The following CENPP variants were observed in gnomAD, a reference collection of about 807,000 sequenced individuals.
CENPP encodes centromere protein P.
CENPP carries 24 observed loss-of-function variants against 35.6 expected under a neutral mutation model. The observed-to-expected ratio is 0.67, with a 90% CI of 0.49 to 0.95. The LOEUF (loss-of-function observed/expected upper bound fraction) is 0.95. CENPP is among the 40% of genes least tolerant of loss of function. The pLI is 0.00. For missense variants in CENPP, 332 were observed against 345.3 expected, an observed-to-expected ratio of 0.96 and a Z score of 0.31; for synonymous variants, 120 against 125.5, an observed-to-expected ratio of 0.96 and a Z score of 0.29.
intron 5 of CENPP, among the ~76,000 whole-genome samples, chr9:92,461,923 C>T (rs572515878): frequency 8.7e-4 from 133 of 152,032 alleles, no homozygotes; most frequent in African/African-American, 2.8e-3. Flanking sequence ...ATTATAAACA[C>T]GGATTTTTAC....
chr9:92,603,871 G>A (rs1280454234), intron 5 of CENPP, among the ~76,000 whole-genome samples: 1 of 152,136 alleles, frequency 6.6e-6, no homozygotes, highest in Non-Finnish European at 1.5e-5. Context: ...GACATCAGGT[G>A]GGGTTCTGGG....
intron 5 of CENPP, among the ~76,000 whole-genome samples, chr9:92,469,554 G>A (rs962580855): frequency 2.0e-5 from 3 of 152,222 alleles, no homozygotes; most frequent in African/African-American, 4.8e-5. Flanking sequence ...GGTAGCAAGG[G>A]GCTAATATTG....
intron 5 of CENPP, chr9:92,514,591 T>G (rs1563978888): frequency 3.9e-6 from 6 of 1,530,034 alleles, no homozygotes; most frequent in Non-Finnish European, 5.3e-6. Flanking sequence ...AGTCATTTAC[T>G]TTTAAAGCAC....
chr9:92,328,490 T>C (rs989781119), intron 1 of CENPP, among the ~76,000 whole-genome samples: 2 of 152,216 alleles, frequency 1.3e-5, no homozygotes, highest in Non-Finnish European at 2.9e-5. Flanking sequence ...TTCAGTTTCC[T>C]CCGTGGTAAA....
At chr9:92,544,787 C>T (rs1436760715) in intron 5 of CENPP, among the ~76,000 whole-genome samples, 2 of 149,408 alleles carry the variant, frequency 1.3e-5, no homozygotes, top group East Asian at 4.0e-4. Context: ...GCGATCTCAG[C>T]TCACTGCAAC....
At position 92,596,445 on chromosome 9, in the gene CENPP, CAAAAAA is replaced by C. The variant is rs60383394; in HGVS notation, c.565-14849_565-14844del. Among the ~76,000 whole-genome samples, 291 of 72,030 alleles carry C rather than the reference CAAAAAA, an allele frequency of 4.0e-3. 1 individual carries two copies. Among genetic ancestry groups the C allele is most frequent in the Middle Eastern group, 0.017 (1 of 58 alleles). The allele number at this position is 72,030 out of a possible 152,430, so 47.3% of individuals were successfully genotyped here. ...TAGGCAACATAGTAAGACCCTGTGT[CAAAAAA>C]AAAAAAAAAAAAAAAAAAAGAAAGA... On this transcript the variant is annotated intron_variant, in intron 5 of 7. Coordinates refer to ENST00000375587, the MANE Select transcript of CENPP (RefSeq NM_001012267.3).
chr9:92,560,104 A>C (rs553925465), intron 5 of CENPP, among the ~76,000 whole-genome samples: 19 of 152,298 alleles, frequency 1.2e-4, no homozygotes, highest in African/African-American at 4.6e-4. Flanking sequence ...TGATTGTACC[A>C]TTGCACTCCA....
chr9:92,575,912 A>G (rs1850272588), intron 5 of CENPP, among the ~76,000 whole-genome samples: 2 of 152,232 alleles, frequency 1.3e-5, no homozygotes, highest in African/African-American at 4.8e-5. Flanking sequence ...TAGTAGGGAT[A>G]TAAAATGGTA....
intron 2 of CENPP, among the ~76,000 whole-genome samples, chr9:92,337,262 G>A (rs1009797260): frequency 4.6e-5 from 7 of 152,110 alleles, no homozygotes; most frequent in South Asian, 2.1e-4. Context: ...AGGTTGCAGC[G>A]AGTCGAGATC....
At chr9:92,597,635 GAT>G (rs1376097373) in intron 5 of CENPP, among the ~76,000 whole-genome samples, 3 of 152,250 alleles carry the variant, frequency 2.0e-5, no homozygotes, top group African/African-American at 2.4e-5. Flanking sequence ...CTGTTACATT[GAT>G]ATGTGTGTGT....
chr9:92,589,778 T>A (rs2131374621), intron 5 of CENPP, among the ~76,000 whole-genome samples: 1 of 152,384 alleles, frequency 6.6e-6, no homozygotes, highest in East Asian at 1.9e-4. Context: ...TTTGAGCTTT[T>A]AATGATAGTT....
chr9:92,332,413 TG>T, intron 2 of CENPP, 62 bp downstream of exon 2: 2 of 1,128,052 alleles, frequency 1.8e-6, no homozygotes, highest in Non-Finnish European at 2.4e-6. Flanking sequence ...CATAAGAAAT[TG>T]GTTGTCATAA....
intron 5 of CENPP, among the ~76,000 whole-genome samples, chr9:92,581,197 ATACT>A (rs1332961678): frequency 6.6e-6 from 1 of 152,044 alleles, no homozygotes; most frequent in East Asian, 1.9e-4. Flanking sequence ...AAATATCAAG[ATACT>A]TACTACTTTA....
chr9:92,355,035 G>A (rs962960081), intron 4 of CENPP, among the ~76,000 whole-genome samples: 1 of 152,238 alleles, frequency 6.6e-6, no homozygotes, highest in Middle Eastern at 3.4e-3. Context: ...ACAAGGCAAA[G>A]GGCAAAAGCA....
At chr9:92,516,827 T>C (rs892221111) in intron 5 of CENPP, 2 of 152,214 alleles carry the variant, frequency 1.3e-5, no homozygotes, top group African/African-American at 4.8e-5. Flanking sequence ...CAAAACACAA[T>C]TTCTAAATAG....
In CENPP at chr9:92,613,063, A is replaced by G. The variant is rs1440966073; in HGVS notation, c.781A>G (p.Ser261Gly). The G allele has an allele frequency of 2.5e-6, 4 of 1,614,188 alleles. No homozygotes were observed. The Admixed American group carries it at 6.7e-5, about 27-fold the overall frequency. The change falls in exon 8 of 8, where the codon AGC becomes GGC. Residue 261 changes from serine (S) to glycine (G), a missense_variant. Transcript: ENST00000375587. ...CAGAGCCATAGAAACTGCTCCTCTC[A>G]GCTTCCGAACCCTGGTAGGACTGCT... ...KNRAIETAPL[S>G]FRTLVGLLGI...
chr9:92,466,963 A>C (rs1208732476), intron 5 of CENPP, among the ~76,000 whole-genome samples: 1 of 152,212 alleles, frequency 6.6e-6, no homozygotes, highest in African/African-American at 2.4e-5. Flanking sequence ...CACACCAAAT[A>C]TACTTTTGCA....
chr9:92,532,514 C>T (rs1848861519), intron 5 of CENPP, among the ~76,000 whole-genome samples: 1 of 152,060 alleles, frequency 6.6e-6, no homozygotes, highest in South Asian at 2.1e-4. Flanking sequence ...ACTTTCCCCT[C>T]ATTTGTATTT....
chr9:92,606,339 G>C (rs1265800604), intron 5 of CENPP, among the ~76,000 whole-genome samples: 1 of 152,148 alleles, frequency 6.6e-6, no homozygotes, highest in Non-Finnish European at 1.5e-5. Flanking sequence ...AAGCACATAA[G>C]AGAAAAGCAA....
Sources: allele counts gnomAD v4.1 joint callset (sites outside exome capture counted in the v4.1 genomes callset), GRCh38; gene constraint gnomAD v4.1.1; transcripts MANE v1.5; gene names NCBI Gene and HGNC (gene_info 2026-07-23, HGNC 2026-07-21).